The following NIBAN1 variants were observed in gnomAD, a reference collection of about 807,000 sequenced individuals.
NIBAN1 encodes niban apoptosis regulator 1.
In NIBAN1, 81 loss-of-function variants were observed where a neutral mutation model predicts 75.1. The ratio of observed to expected loss-of-function variants is 1.08; its 90% CI spans 0.90 to 1.30. The LOEUF is 1.30. Ranked by LOEUF, NIBAN1 falls within the 50% of genes most tolerant of loss-of-function variation. NIBAN1 has a pLI of 0.00. For missense variants in NIBAN1, 1,133 were observed against 1,128.1 expected (o/e 1.00, Z -0.06); for synonymous variants, 436 against 424.8 (o/e 1.03, Z -0.32).
At chr1:184,868,067 G>T in intron 5 of NIBAN1, 1 of 985,346 alleles carries the variant, frequency 1.0e-6, no homozygotes, top group Non-Finnish European at 1.2e-6. Context: ...AAAGGAACTT[G>T]GCAGGGAGGG....
intron 1 of NIBAN1, among the ~76,000 whole-genome samples, chr1:184,899,628 A>G (rs1656894184): frequency 6.6e-6 from 1 of 152,048 alleles, no homozygotes; most frequent in Non-Finnish European, 1.5e-5. Context: ...TTCTATCAAT[A>G]GACTATCGCC....
rs541575265 is a variant in NIBAN1 at position 184,889,903 on chromosome 1, G to T, written c.433+205C>A. The stretch of plus-strand genomic sequence containing the variant: ...TCTTCCTTGTTAGGGTCTGTCCTGT[G>T]CATGGTAGGATGTTTTGTAGCATCC... On this transcript the variant is annotated intron_variant, in intron 4 of 13. Transcript: ENST00000367511. 2.0e-5 allele frequency among the ~76,000 whole-genome samples: 3 copies of T among 152,284 alleles called. No homozygotes were observed. In the South Asian group the frequency reaches 6.2e-4, roughly 32 times the overall value.
intron 2 of NIBAN1, among the ~76,000 whole-genome samples, chr1:184,894,641 T>C (rs1656752583): frequency 1.3e-5 from 2 of 152,214 alleles, no homozygotes; most frequent in African/African-American, 4.8e-5. Flanking sequence ...TAACAGACCG[T>C]TCCCCTATCC....
At chr1:184,966,530 G>A (rs973725563) in intron 1 of NIBAN1, among the ~76,000 whole-genome samples, 1 of 152,188 alleles carries the variant, frequency 6.6e-6, no homozygotes, top group Non-Finnish European at 1.5e-5. Flanking sequence ...TGTTTTAAGA[G>A]TCAGGATCTT....
intron 1 of NIBAN1, among the ~76,000 whole-genome samples, chr1:184,973,456 G>A (rs1167737926): frequency 6.6e-6 from 1 of 151,014 alleles, no homozygotes; most frequent in Non-Finnish European, 1.5e-5. Flanking sequence ...GGGAAAGACA[G>A]TAAATTGGTA....
At chr1:184,911,062 TACACACAC>T (rs35550596) in intron 1 of NIBAN1, among the ~76,000 whole-genome samples, 2 of 144,346 alleles carry the variant, frequency 1.4e-5, no homozygotes, top group African/African-American at 5.1e-5. Flanking sequence ...TTATAACAAA[TACACACAC>T]ACACACACAC....
At chr1:184,812,665 T>C (rs770523443) in intron 9 of NIBAN1, among the ~76,000 whole-genome samples, 6 of 152,244 alleles carry the variant, frequency 3.9e-5, no homozygotes, top group Non-Finnish European at 5.9e-5. Flanking sequence ...ATGTCATAGT[T>C]AGCTCTAAAA....
intron 1 of NIBAN1, among the ~76,000 whole-genome samples, chr1:184,910,221 GACTACATTCC>G (rs779583373): frequency 2.0e-5 from 3 of 152,070 alleles, no homozygotes; most frequent in Non-Finnish European, 4.4e-5. Flanking sequence ...AAATAACTGA[GACTACATTCC>G]ACTACATTCC....
At chr1:184,867,141 C>T (rs1187784399) in intron 5 of NIBAN1, among the ~76,000 whole-genome samples, 15 of 151,914 alleles carry the variant, frequency 9.9e-5, no homozygotes, top group Non-Finnish European at 1.5e-5. Flanking sequence ...CACACAGACA[C>T]TCTCTCTCGG....
At chr1:184,872,342 G>T (rs1656131434) in intron 5 of NIBAN1, among the ~76,000 whole-genome samples, 1 of 151,558 alleles carries the variant, frequency 6.6e-6, no homozygotes, top group African/African-American at 2.4e-5. Context: ...GTAGAGAACT[G>T]AATGACAGAG....
At chr1:184,799,939 GT>G (rs1653987023) in intron 12 of NIBAN1, among the ~76,000 whole-genome samples, 1 of 97,982 alleles carries the variant, frequency 1.0e-5, no homozygotes, top group Non-Finnish European at 1.9e-5. Context: ...TAGAGACGGG[GT>G]TTCACCGTGT....
intron 4 of NIBAN1, 96 bp from the exon 5 acceptor site, chr1:184,884,896 C>T (rs1169041761): frequency 2.1e-6 from 3 of 1,412,096 alleles, no homozygotes; most frequent in African/African-American, 1.4e-5. Context: ...CTGGGGCAGG[C>T]CATGGGATGG....
At chr1:184,864,922 A>G (rs1321731192) in intron 5 of NIBAN1, among the ~76,000 whole-genome samples, 2 of 151,606 alleles carry the variant, frequency 1.3e-5, no homozygotes, top group Non-Finnish European at 2.9e-5. Context: ...CTAACTAGTT[A>G]TAAGTAGTTC....
chr1:184,899,864 T>C (rs1656902701), intron 1 of NIBAN1, among the ~76,000 whole-genome samples: 1 of 146,394 alleles, frequency 6.8e-6, no homozygotes, highest in East Asian at 2.1e-4. Flanking sequence ...CTGCCCAGGC[T>C]GGAGTGCAAT....
chr1:184,860,207 G>A (rs1041578766), intron 5 of NIBAN1, among the ~76,000 whole-genome samples: 1 of 151,242 alleles, frequency 6.6e-6, no homozygotes, highest in Admixed American at 6.6e-5. Flanking sequence ...GAGTTTAATG[G>A]GCATTTTAGG....
intron 6 of NIBAN1, among the ~76,000 whole-genome samples, chr1:184,825,497 A>G (rs961838850): frequency 2.6e-5 from 4 of 152,218 alleles, no homozygotes; most frequent in African/African-American, 9.6e-5. Context: ...ATGGGAGGGT[A>G]TGAGATAATT....
At chr1:184,890,028 TC>T in intron 4 of NIBAN1, 79 bp downstream of exon 4, 1 of 1,093,770 alleles carries the variant, frequency 9.1e-7, no homozygotes. Context: ...GAAATCCCTC[TC>T]CTTCACAGAG....
At position 184,823,304 on chromosome 1, in the gene NIBAN1, A is replaced by C; in HGVS notation, c.848T>G (p.Val283Gly). The C allele has an allele frequency of 6.2e-7, 1 of 1,614,138 alleles. No individual in the cohort carries two copies. Among genetic ancestry groups the C allele is most frequent in the Non-Finnish European group, 8.5e-7 (1 of 1,180,008 alleles). ...TAATCCTTCTGAAACTTGATGCTGA[A>C]CCAGGGTGTAGGCCTCCTCGAGGAG... Reference protein sequence around the residue: ...LGLLEEAYTLVQHQVSEGLSA... With the variant: ...LGLLEEAYTLGQHQVSEGLSA... Residue 283 changes from valine (V) to glycine (G), a missense_variant, in exon 8 of 14, where the codon GTT (valine) becomes GGT (glycine). Physicochemically the swap from Val to Gly is moderately radical, Grantham distance 109. Coordinates refer to ENST00000367511, the MANE Select transcript of NIBAN1 (RefSeq NM_052966.4).
rs143555195 is a variant in NIBAN1, at chr1:184,807,311, G to C, written c.1335+763C>G. Among the ~76,000 whole-genome samples, 477 of 133,300 alleles carry C rather than the reference G, an allele frequency of 3.6e-3. 5 individuals are homozygous for C. The East Asian group carries it at 0.045, about 13-fold the overall frequency. 87.4% of individuals were successfully genotyped at this position (133,300 alleles called of 152,430 possible). On this transcript the variant is annotated intron_variant, in intron 10 of 13. Coordinates refer to ENST00000367511, the MANE Select transcript of NIBAN1 (RefSeq NM_052966.4). ...ATTCATTCCTGTTACTGGGGAAAAG[G>C]TTCCTTATGAAAAAAAAAAAAAAGA...
Sources: gnomAD v4.1 joint callset for allele counts (sites outside exome capture counted in the v4.1 genomes callset) on GRCh38, gnomAD v4.1.1 for gene constraint, MANE v1.5 for transcripts, NCBI Gene and HGNC (gene_info 2026-07-23, HGNC 2026-07-21) for gene names.